The following FHIT variants were observed in gnomAD, a reference collection of about 807,000 sequenced individuals.
The protein encoded by FHIT is fragile histidine triad diadenosine triphosphatase.
In FHIT, 19 loss-of-function variants were observed where a neutral mutation model predicts 17.9. The ratio of observed to expected loss-of-function variants is 1.06; its 90% CI spans 0.74 to 1.56. The LOEUF is 1.56. Ranked by LOEUF, FHIT falls within the 40% of genes most tolerant of loss-of-function variation. The pLI is 0.00. For synonymous variants in FHIT, 81 were observed against 69.7 expected (o/e 1.16, Z -0.81); for missense variants, 248 against 189.2 (o/e 1.31, Z -1.82).
intron 3 of FHIT, among the ~76,000 whole-genome samples, chr3:60,896,776 C>G (rs1705845435): frequency 6.6e-6 from 1 of 152,114 alleles, no homozygotes; most frequent in African/African-American, 2.4e-5. Context: ...TTCATTTACT[C>G]TGTACTCAAT....
At chr3:60,659,329 G>C (rs1553690484) in intron 4 of FHIT, among the ~76,000 whole-genome samples, 1 of 151,792 alleles carries the variant, frequency 6.6e-6, no homozygotes, top group Non-Finnish European at 1.5e-5. Flanking sequence ...CATCAGATTT[G>C]GGAAGCTTTT....
intron 7 of FHIT, among the ~76,000 whole-genome samples, chr3:59,993,121 G>C (rs959951751): frequency 1.3e-5 from 2 of 152,038 alleles, no homozygotes; most frequent in Non-Finnish European, 2.9e-5. Context: ...AGGTAAGAAA[G>C]TTTTCTTACA....
intron 4 of FHIT, chr3:60,596,100 C>A (rs1439624255): frequency 3.0e-6 from 1 of 336,478 alleles, no homozygotes; most frequent in Non-Finnish European, 4.2e-6. Context: ...TTCTTTCTTA[C>A]AAATAAAAGT....
At chr3:60,233,567 A>C (rs1704612098) in intron 5 of FHIT, among the ~76,000 whole-genome samples, 1 of 151,302 alleles carries the variant, frequency 6.6e-6, no homozygotes, top group African/African-American at 2.4e-5. Flanking sequence ...CACTCTACCT[A>C]TTTTCTTTCA....
At chr3:60,228,026 T>G (rs544759263) in intron 5 of FHIT, among the ~76,000 whole-genome samples, 3 of 152,166 alleles carry the variant, frequency 2.0e-5, no homozygotes, top group Non-Finnish European at 4.4e-5. Context: ...ACCACTTAAC[T>G]TTTTCCTCCA....
At chr3:60,439,612 C>G (rs1576655502) in intron 5 of FHIT, among the ~76,000 whole-genome samples, 2 of 152,030 alleles carry the variant, frequency 1.3e-5, no homozygotes, top group East Asian at 3.9e-4. Flanking sequence ...AGGCACATCT[C>G]CCTTCTGATA....
intron 5 of FHIT, among the ~76,000 whole-genome samples, chr3:60,148,756 C>G (rs1262732251): frequency 1.3e-5 from 2 of 152,304 alleles, no homozygotes; most frequent in Middle Eastern, 3.4e-3. Context: ...CCTGGGTTTA[C>G]ATCCTTTGCT....
chr3:60,476,458 T>C (rs1378448702), intron 5 of FHIT, among the ~76,000 whole-genome samples: 3 of 152,124 alleles, frequency 2.0e-5, no homozygotes, highest in African/African-American at 7.2e-5. Context: ...ACTACTGCAA[T>C]AGGGAGAGCT....
chr3:60,464,605 A>T (rs1269502274), intron 5 of FHIT, among the ~76,000 whole-genome samples: 2 of 152,146 alleles, frequency 1.3e-5, no homozygotes, highest in African/African-American at 4.8e-5. Flanking sequence ...AAGTGAGAAC[A>T]TGTGATGTTT....
intron 3 of FHIT, among the ~76,000 whole-genome samples, chr3:60,856,872 A>T (rs1703407915): frequency 6.6e-6 from 1 of 151,904 alleles, no homozygotes; most frequent in African/African-American, 2.4e-5. Flanking sequence ...CTTCCTCTTC[A>T]CTGGTCTAAT....
chr3:60,398,062 C>G (rs1197044397), intron 5 of FHIT, among the ~76,000 whole-genome samples: 2 of 152,070 alleles, frequency 1.3e-5, no homozygotes, highest in African/African-American at 4.8e-5. Context: ...TTAATGAATT[C>G]TACTCTACTA....
At chr3:60,450,430 G>A (rs1442457917) in intron 5 of FHIT, among the ~76,000 whole-genome samples, 3 of 151,950 alleles carry the variant, frequency 2.0e-5, no homozygotes, top group African/African-American at 4.8e-5. Context: ...GCTGAGCTGT[G>A]CATATTATCC....
intron 3 of FHIT, among the ~76,000 whole-genome samples, chr3:60,877,191 C>A (rs797036883): frequency 5.3e-5 from 8 of 152,294 alleles, no homozygotes; most frequent in African/African-American, 1.7e-4. Context: ...CATCTTAGAA[C>A]TGGAACTACT....
intron 5 of FHIT, among the ~76,000 whole-genome samples, chr3:60,514,273 G>GT (rs1170168508): frequency 3.3e-5 from 5 of 152,362 alleles, no homozygotes; most frequent in Non-Finnish European, 7.3e-5. Flanking sequence ...AAAGAGCATT[G>GT]TAACACACTT....
At chr3:59,818,913 C>A (rs1035170377) in intron 8 of FHIT, among the ~76,000 whole-genome samples, 3 of 152,238 alleles carry the variant, frequency 2.0e-5, no homozygotes, top group African/African-American at 4.8e-5. Context: ...ATGGATATGA[C>A]ACTAGCCCTC....
At chr3:60,465,473 G>A (rs901816878) in intron 5 of FHIT, among the ~76,000 whole-genome samples, 1 of 152,092 alleles carries the variant, frequency 6.6e-6, no homozygotes, top group Non-Finnish European at 1.5e-5. Flanking sequence ...CAAGACCAAT[G>A]TCCTGGAGAG....
intron 7 of FHIT, among the ~76,000 whole-genome samples, chr3:59,970,640 T>G (rs1009670368): frequency 6.6e-6 from 1 of 152,106 alleles, no homozygotes; most frequent in African/African-American, 2.4e-5. Flanking sequence ...TGGAAAAGAT[T>G]TTTAATGAAA....
intron 2 of FHIT, among the ~76,000 whole-genome samples, chr3:61,075,031 C>T (rs141686991): frequency 1.3e-5 from 2 of 152,286 alleles, no homozygotes; most frequent in African/African-American, 2.4e-5. Flanking sequence ...AAGCACTGCA[C>T]TTGTAAGAAA....
At chr3:60,840,417 G>A (rs552318257) in intron 3 of FHIT, among the ~76,000 whole-genome samples, 2 of 152,260 alleles carry the variant, frequency 1.3e-5, no homozygotes, top group Admixed American at 6.5e-5. Context: ...CATATTCTGC[G>A]ATGAACTTGA....
Sources: gnomAD v4.1 joint callset for allele counts (sites outside exome capture counted in the v4.1 genomes callset) on GRCh38, gnomAD v4.1.1 for gene constraint, MANE v1.5 for transcripts, NCBI Gene and HGNC (gene_info 2026-07-23, HGNC 2026-07-21) for gene names.